The following PIGR variants were observed in gnomAD, a reference collection of about 807,000 sequenced individuals.
PIGR encodes the protein hepatocellular carcinoma associated protein TB6.
Under a neutral mutation model 69.5 loss-of-function variants are expected in PIGR, and 22 were observed. The observed-to-expected ratio is 0.32, with a 90% CI of 0.23 to 0.45. The LOEUF (loss-of-function observed/expected upper bound fraction) is 0.45. Among genes scored for constraint, PIGR ranks in the 20% least tolerant of loss-of-function variants. The pLI is 1.00. For missense variants in PIGR, 885 were observed against 974.0 expected, an observed-to-expected ratio of 0.91 and a Z score of 1.22; for synonymous variants, 413 against 407.6, an observed-to-expected ratio of 1.01 and a Z score of -0.16.
chr1:206,940,419 G>A, intron 2 of PIGR, 70 bp downstream of exon 2: 1 of 1,440,754 alleles, frequency 6.9e-7, no homozygotes, highest in South Asian at 1.2e-5. Flanking sequence ...AGTGTCCCCA[G>A]GGAGGTGAAC....
intron 2 of PIGR, among the ~76,000 whole-genome samples, chr1:206,939,796 G>A (rs558198037): frequency 2.0e-5 from 3 of 151,994 alleles, no homozygotes; most frequent in Non-Finnish European, 2.9e-5. Context: ...GCACGATCTC[G>A]GCTCACTGCA....
rs763129829 is a variant in PIGR at position 206,940,519 on chromosome 1, C to G, written c.13G>C (p.Val5Leu). The G allele has an allele frequency of 3.2e-6, 5 of 1,551,486 alleles. No homozygotes were observed. The highest frequency in any genetic ancestry group is 1.7e-4 in the Middle Eastern group (1 of 5,978). The change falls in exon 2 of 11, where the codon GTG becomes CTG. Residue 5 changes from valine to leucine, a missense_variant. Val to Leu is a conservative substitution (Grantham distance 32). Coordinates refer to ENST00000356495, the MANE Select transcript of PIGR (RefSeq NM_002644.4). ...AAGACCGCCAGCAGGCAGGTGAGCA[C>G]GAAGAGCAGCATTGCTGGTGGGTCC... MLLF[V>L]LTCLLAVFPA...
At chr1:206,940,421 G>A in intron 2 of PIGR, 68 bp downstream of exon 2, 2 of 1,447,056 alleles carry the variant, frequency 1.4e-6, no homozygotes, top group African/African-American at 1.4e-5. Context: ...TGTCCCCAGG[G>A]AGGTGAACCC....
Position 206,930,524 on chromosome 1 carries a change from C to T in PIGR, c.2200-111G>A. ...ATTCGTGATCTTGGTCCAAGCAACACAAGCCTTTGGGGCCCACTGTTCTCA... is the reference window on the plus strand; with the variant it reads ...ATTCGTGATCTTGGTCCAAGCAACATAAGCCTTTGGGGCCCACTGTTCTCA... On this transcript the variant is annotated intron_variant, in intron 10 of 10. Transcript: ENST00000356495. The surrounding 1 kb of genome is among the most constrained non-coding windows in gnomAD (Gnocchi z 4.3). The T allele has an allele frequency of 3.5e-6, 5 of 1,409,398 alleles. No individual in the cohort carries two copies. The highest frequency in any genetic ancestry group is 4.6e-6 in the Non-Finnish European group (5 of 1,077,848). 87.3% of individuals were successfully genotyped at this position (1,409,398 alleles called of 1,614,324 possible).
chr1:206,939,238 T>C lies in PIGR; in HGVS notation c.269A>G (p.Asn90Ser), dbSNP rs1293700693. The change falls in exon 3 of 11, where the codon AAC becomes AGC. Residue 90 changes from asparagine (N) to serine (S), a missense_variant. Coordinates refer to ENST00000356495, the MANE Select transcript of PIGR (RefSeq NM_002644.4). ...GGCAATGTTCACCACAAATGTGCCG[T>C]TCTCCGGGAAGTTGGTGAGGTTAGC... ...GRANLTNFPE[N>S]GTFVVNIAQL... The C allele has an allele frequency of 6.2e-7, 1 of 1,614,182 alleles. No individual in the cohort carries two copies.
At position 206,933,770 on chromosome 1, in the gene PIGR, A is replaced by G. The variant is rs76098533; in HGVS notation, c.1706-604T>C. Reference sequence around the variant, plus strand: ...GGGGGAAGGGGGATGAACATATTGCATATGACAGTGATGTATGCATATTAT... The same window carrying G: ...GGGGGAAGGGGGATGAACATATTGCGTATGACAGTGATGTATGCATATTAT... On this transcript the variant is annotated intron_variant, in intron 6 of 10. Coordinates refer to ENST00000356495, the MANE Select transcript of PIGR (RefSeq NM_002644.4). Among the ~76,000 whole-genome samples, 1,066 of 152,306 alleles carry G rather than the reference A, an allele frequency of 7.0e-3. 15 individuals are homozygous for G. The highest frequency in any genetic ancestry group is 0.025 in the African/African-American group (1,027 of 41,564).
At position 206,942,886 on chromosome 1, in the gene PIGR, C is replaced by T. The variant is rs368697728; in HGVS notation, c.-53-2302G>A. Among the ~76,000 whole-genome samples, 6 of 152,266 alleles carry T rather than the reference C, an allele frequency of 3.9e-5. No homozygotes were observed. The South Asian group carries it at 1.2e-3, about 32-fold the overall frequency. On this transcript the variant is annotated intron_variant, in intron 1 of 10. Transcript: ENST00000356495. ...ATCAGCGGGATGCACACAGTCCAGTCCTAGATGGGATGATTGGCAGGAGAG... is the reference window on the plus strand; with the variant it reads ...ATCAGCGGGATGCACACAGTCCAGTTCTAGATGGGATGATTGGCAGGAGAG...
Position 206,931,515 on chromosome 1 carries a change from T to C in PIGR, c.2181A>G (p.Glu727=). 6.2e-7 allele frequency: 1 copy of C among 1,614,132 alleles called. No individual in the cohort carries two copies. The highest frequency in any genetic ancestry group is 8.5e-7 in the Non-Finnish European group (1 of 1,180,018). Residue 727 remains glutamate, a synonymous_variant, in exon 10 of 11, where the codon GAA becomes GAG. Coordinates refer to ENST00000356495, the MANE Select transcript of PIGR (RefSeq NM_002644.4). ...ATTESTTETK[E]PKKAKRSSKE... is the part of the protein sequence containing the mutation. ...TCCTCACCCTTTTTGCCTTCTTGGG[T>C]TCTTTGGTCTCTGTGGTGCTCTCAG... is the stretch of plus-strand genomic sequence containing the variant.
Position 206,933,152 on chromosome 1 carries a change from T to C in PIGR, c.1720A>G (p.Ser574Gly). Residue 574 changes from serine (S) to glycine (G), a missense_variant, in exon 7 of 11, where the codon AGC becomes GGC. Transcript: ENST00000356495. ...ERKAAGSRDV[S>G]LAKADAAPDE... ...GGAGCAGCGTCTGCCTTCGCTAGGC[T>C]GACATCGCGGGACCCTGCAGCAGGG... The C allele has an allele frequency of 1.9e-6, 3 of 1,614,190 alleles. No homozygotes were observed. The East Asian group carries it at 6.7e-5, about 36-fold the overall frequency.
At chr1:206,931,296 G>T (rs1679742327) in intron 10 of PIGR, 6 of 1,458,434 alleles carry the variant, frequency 4.1e-6, no homozygotes, top group Admixed American at 5.1e-5. Flanking sequence ...TCCTTCCTGG[G>T]CCTTATCCAC....
In PIGR at chr1:206,934,270, C is replaced by T. The variant is rs1285758727; in HGVS notation, c.1705+150G>A. On this transcript the variant is annotated intron_variant, in intron 6 of 10. Coordinates refer to ENST00000356495, the MANE Select transcript of PIGR (RefSeq NM_002644.4). ...AGGGCTCAACGAGGCTATATAGGAC[C>T]TAAATGTCCCCTCCCTTCCCACTCT... The T allele has an allele frequency of 4.7e-6, 3 of 636,622 alleles. No homozygotes were observed. The East Asian group carries it at 8.2e-5, about 17-fold the overall frequency. The allele number at this position is 636,622 out of a possible 1,614,324, so 39.4% of individuals were successfully genotyped here.
At position 206,940,579 on chromosome 1, in the gene PIGR, G is replaced by A; in HGVS notation, c.-48C>T. The A allele has an allele frequency of 2.0e-6, 3 of 1,517,884 alleles. No homozygotes were observed. The highest frequency in any genetic ancestry group is 2.7e-6 in the Non-Finnish European group (3 of 1,126,668). 94.0% of individuals were successfully genotyped at this position (1,517,884 alleles called of 1,614,324 possible). A position where few individuals can be genotyped will look rare whatever the true frequency, so the allele number is the denominator to read the frequency against. On this transcript the variant is annotated 5_prime_UTR_variant, in exon 2 of 11. Transcript: ENST00000356495. The stretch of plus-strand genomic sequence containing the variant: ...CACCACTCAGGCCGACTTCTCCTGT[G>A]CAATGCTGAAAAACAATAATCACAA...
rs1299944296 is a variant in PIGR at position 206,934,564 on chromosome 1, C to T, written c.1561G>A (p.Asp521Asn). Residue 521 changes from aspartate (D) to asparagine (N), a missense_variant, in exon 6 of 11, where the codon GAC (aspartate) becomes AAC (asparagine). Transcript: ENST00000356495. ...EGPSKAFVNC[D>N]ENSRLVSLTL... ...AGGGAGACAAGCCGGCTGTTCTCGT[C>T]ACAGTTCACGAAGGCCTTGCTGGGG... The T allele has an allele frequency of 3.1e-6, 5 of 1,614,152 alleles. No individual in the cohort carries two copies. Among genetic ancestry groups the T allele is most frequent in the Non-Finnish European group, 4.2e-6 (5 of 1,180,056 alleles).
At chr1:206,933,698 C>G (rs1442886763) in intron 6 of PIGR, among the ~76,000 whole-genome samples, 3 of 152,112 alleles carry the variant, frequency 2.0e-5, no homozygotes, top group Admixed American at 6.5e-5. Flanking sequence ...CTGATCAGAC[C>G]TTGTAAATGA....
chr1:206,931,817 G>A lies in PIGR; in HGVS notation c.2009-15C>T, dbSNP rs758800765. On this transcript the variant is annotated splice_polypyrimidine_tract_variant and intron_variant, in intron 8 of 10. Coordinates refer to ENST00000356495, the MANE Select transcript of PIGR (RefSeq NM_002644.4). ...TGAAACTCGGTCTGTCCGGGAGGAAGAGGAGTTGGTGTAAGGACAGGGGCT... is the reference window on the plus strand; with the variant it reads ...TGAAACTCGGTCTGTCCGGGAGGAAAAGGAGTTGGTGTAAGGACAGGGGCT... The A allele has an allele frequency of 1.9e-6, 3 of 1,614,078 alleles. No homozygotes were observed. Among genetic ancestry groups the A allele is most frequent in the East Asian group, 2.2e-5 (1 of 44,886 alleles).
Position 206,935,896 on chromosome 1 carries a change from C to T in PIGR, c.1046-78G>A, listed in dbSNP as rs568060385. On this transcript the variant is annotated intron_variant, in intron 4 of 10. Coordinates refer to ENST00000356495, the MANE Select transcript of PIGR (RefSeq NM_002644.4). This position sits in a 1 kb window ranked among gnomAD's most constrained non-coding sequence, Gnocchi z 4.4. ...TGCGTGGCCTGAGAAGCCTTCTTCC[C>T]GGGGTCTCAGCCAGGATGGGGAGTG... The T allele has an allele frequency of 9.0e-6, 10 of 1,107,082 alleles. No homozygotes were observed. The highest frequency in any genetic ancestry group is 3.0e-5 in the South Asian group (2 of 65,860). 68.6% of individuals were successfully genotyped at this position (1,107,082 alleles called of 1,614,324 possible). A position where few individuals can be genotyped will look rare whatever the true frequency, so the allele number is the denominator to read the frequency against.
chr1:206,938,671 C>G (rs1679916599), intron 3 of PIGR, among the ~76,000 whole-genome samples: 3 of 151,892 alleles, frequency 2.0e-5, no homozygotes, highest in South Asian at 4.2e-4. Context: ...ACTAAGGGTT[C>G]CCAGGTTAAA....
Position 206,934,741 on chromosome 1 carries a change from G to T in PIGR, c.1384C>A (p.Pro462Thr). The change falls in exon 6 of 11, where the codon CCA becomes ACA. Residue 462 changes from proline (P) to threonine (T), a missense_variant. Transcript: ENST00000356495. ...ACATTCCCTGGTACCTTGAGGTTTG[G>T]TTCTCCTGGAGGAGGGAGGGAGGTA... is the stretch of plus-strand genomic sequence containing the variant. ...TVEIKIIEGEPNLKVPGNVTA... is the reference protein window; with the variant it reads ...TVEIKIIEGETNLKVPGNVTA... 1.2e-6 allele frequency: 2 copies of T among 1,603,454 alleles called. No homozygotes were observed. Among genetic ancestry groups the T allele is most frequent in the Non-Finnish European group, 1.7e-6 (2 of 1,177,978 alleles).
Position 206,930,884 on chromosome 1 carries a change from A to AAAC in PIGR, c.2200-474_2200-472dup, listed in dbSNP as rs1008563915. On this transcript the variant is annotated intron_variant, in intron 10 of 10. Coordinates refer to ENST00000356495, the MANE Select transcript of PIGR (RefSeq NM_002644.4). The surrounding 1 kb of genome is among the most constrained non-coding windows in gnomAD (Gnocchi z 4.3). Reference sequence around the variant, plus strand: ...TTTCAAGAAAAAGTAGATATGATAAAAACAACAACAACAACAACAAAAACT... The same window carrying AAAC: ...TTTCAAGAAAAAGTAGATATGATAAAAACAACAACAACAACAACAACAAAAACT... 8.5e-5 allele frequency: 84 copies of AAAC among 985,392 alleles called. No individual in the cohort carries two copies. Among genetic ancestry groups the AAAC allele is most frequent in the South Asian group, 7.0e-4 (15 of 21,284 alleles). The allele number at this position is 985,392 out of a possible 1,614,324, so 61.0% of individuals were successfully genotyped here. A position where few individuals can be genotyped will look rare whatever the true frequency, so the allele number is the denominator to read the frequency against.
Sources: allele counts gnomAD v4.1 joint callset (sites outside exome capture counted in the v4.1 genomes callset), GRCh38; gene constraint gnomAD v4.1.1; non-coding constraint Gnocchi (gnomAD v3.1); transcripts MANE v1.5; gene names NCBI Gene and HGNC (gene_info 2026-07-23, HGNC 2026-07-21).